The following EYS variants were observed in gnomAD, a reference collection of about 807,000 sequenced individuals.
EYS encodes the protein EGF-like photoreceptor maintenance factor.
EYS carries 250 observed loss-of-function variants against 282.1 expected under a neutral mutation model. The ratio of observed to expected loss-of-function variants is 0.89; its 90% CI spans 0.80 to 0.98. The LOEUF (loss-of-function observed/expected upper bound fraction) is 0.98. Among genes scored for constraint, EYS ranks in the 50% least tolerant of loss-of-function variants. The pLI is 0.00. For missense variants in EYS, 4,016 were observed against 3,709.0 expected, an observed-to-expected ratio of 1.08 and a Z score of -2.15; for synonymous variants, 1,355 against 1,282.9, an observed-to-expected ratio of 1.06 and a Z score of -1.20.
chr6:63,761,007 T>A (rs1018204379), intron 41 of EYS, among the ~76,000 whole-genome samples: 5 of 151,922 alleles, frequency 3.3e-5, no homozygotes, highest in Admixed American at 6.6e-5. Context: ...ACCATCATAA[T>A]CAGTTTTTAT....
At chr6:64,377,317 T>C (rs771614301) in intron 29 of EYS, among the ~76,000 whole-genome samples, 2 of 152,194 alleles carry the variant, frequency 1.3e-5, no homozygotes, top group Non-Finnish European at 2.9e-5. Context: ...TAAATGCTTT[T>C]AAAACTTTGT....
In EYS at chr6:65,494,700, C is replaced by T. The variant is rs375370385; in HGVS notation, c.711G>A (p.Glu237=). ...GGTGACAGACACATTCATATGCTTG[C>T]TCATCCCAATTTTCTCTTTTATTAA... is the stretch of plus-strand genomic sequence containing the variant. ...SCINKRENWD[E]QAYECVCHPP... is the part of the protein sequence containing the mutation. The change falls in exon 4 of 43, where the codon GAG becomes GAA. Residue 237 remains glutamate (E), a synonymous_variant. Coordinates refer to ENST00000503581, the MANE Select transcript of EYS (RefSeq NM_001142800.2). The T allele has an allele frequency of 8.2e-6, 13 of 1,593,072 alleles. No homozygotes were observed. In the African/African-American group the frequency reaches 1.8e-4, roughly 21 times the overall value.
intron 31 of EYS, among the ~76,000 whole-genome samples, chr6:64,202,006 C>A (rs1321719013): frequency 6.6e-6 from 1 of 152,164 alleles, no homozygotes; most frequent in Admixed American, 6.5e-5. Flanking sequence ...AACATGTCAA[C>A]AGTGCCAAGC....
At chr6:65,222,749 G>A (rs1205103348) in intron 12 of EYS, among the ~76,000 whole-genome samples, 1 of 152,206 alleles carries the variant, frequency 6.6e-6, no homozygotes, top group East Asian at 1.9e-4. Flanking sequence ...AATCAACAAT[G>A]ATTGAGTTAC....
In EYS at chr6:63,721,053, C is replaced by A. The variant is rs865905817; in HGVS notation, c.8978G>T (p.Gly2993Val). 3 of 1,551,284 alleles carry A rather than the reference C, an allele frequency of 1.9e-6. No individual in the cohort carries two copies. Among genetic ancestry groups the A allele is most frequent in the Non-Finnish European group, 2.6e-6 (3 of 1,146,792 alleles). Residue 2993 changes from glycine to valine, a missense_variant, in exon 43 of 43, where the codon GGT (glycine) becomes GTT (valine). Physicochemically the swap from Gly to Val is moderately radical, Grantham distance 109 (BLOSUM62 -3). Transcript: ENST00000503581. ...SLNFSTTKTEGLIVWMGIAQN... is the reference protein window; with the variant it reads ...SLNFSTTKTEVLIVWMGIAQN... ...AGCTATTCCCATCCATACAATTAGA[C>A]CTTCTGTTTTAGTGGTACTGAAATT...
At chr6:64,914,922 C>A (rs7772016) in intron 15 of EYS, among the ~76,000 whole-genome samples, 1 of 152,012 alleles carries the variant, frequency 6.6e-6, no homozygotes, top group Non-Finnish European at 1.5e-5. Context: ...TTCATACCTT[C>A]ACAATATAAA....
chr6:65,668,739 T>C (rs997655951), intron 1 of EYS, among the ~76,000 whole-genome samples: 4 of 151,952 alleles, frequency 2.6e-5, no homozygotes, highest in African/African-American at 9.7e-5. Flanking sequence ...CCTTTAAACA[T>C]TGAAGACATT....
At chr6:63,850,281 A>T (rs1772211563) in intron 36 of EYS, among the ~76,000 whole-genome samples, 1 of 152,230 alleles carries the variant, frequency 6.6e-6, no homozygotes, top group Non-Finnish European at 1.5e-5. Flanking sequence ...GAACTTCCCC[A>T]ATCTAGCAAG....
Position 64,930,079 on chromosome 6 carries a change from T to C in EYS, c.2381+15714A>G, listed in dbSNP as rs547131950. Among the ~76,000 whole-genome samples, 17 of 152,296 alleles carry C rather than the reference T, an allele frequency of 1.1e-4. 1 individual carries two copies. In the South Asian group the frequency reaches 2.5e-3, roughly 22 times the overall value. On this transcript the variant is annotated intron_variant, in intron 15 of 42. Coordinates refer to ENST00000503581, the MANE Select transcript of EYS (RefSeq NM_001142800.2). ...GAATTTACTGAATCTGTCCAAAAGA[T>C]AATTTGATAAAAACTACTCGAATAT...
intron 28 of EYS, among the ~76,000 whole-genome samples, chr6:64,410,854 A>G (rs1582718626): frequency 6.6e-6 from 1 of 152,170 alleles, no homozygotes; most frequent in African/African-American, 2.4e-5. Context: ...GCACTGTTAA[A>G]GGACACTTTC....
chr6:64,228,476 A>C (rs946313144), intron 31 of EYS, among the ~76,000 whole-genome samples: 1 of 152,092 alleles, frequency 6.6e-6, no homozygotes, highest in Non-Finnish European at 1.5e-5. Context: ...TATTCTTCAA[A>C]TGCAATTTTG....
At chr6:64,776,349 A>G (rs1282332847) in intron 22 of EYS, among the ~76,000 whole-genome samples, 1 of 152,098 alleles carries the variant, frequency 6.6e-6, no homozygotes, top group Non-Finnish European at 1.5e-5. Context: ...TACATCATAA[A>G]AGATATACTG....
intron 22 of EYS, among the ~76,000 whole-genome samples, chr6:64,791,575 A>G (rs899329648): frequency 9.2e-5 from 14 of 151,956 alleles, no homozygotes; most frequent in Non-Finnish European, 1.9e-4. Context: ...GGAATGTGTA[A>G]CCAAAGAGAA....
At chr6:65,678,255 A>C (rs992403184) in intron 1 of EYS, among the ~76,000 whole-genome samples, 3 of 151,994 alleles carry the variant, frequency 2.0e-5, no homozygotes, top group African/African-American at 7.2e-5. Flanking sequence ...CCCATGAGCC[A>C]AACATTCCCC....
At chr6:63,937,137 T>C (rs1478141688) in intron 35 of EYS, among the ~76,000 whole-genome samples, 1 of 151,960 alleles carries the variant, frequency 6.6e-6, no homozygotes, top group Non-Finnish European at 1.5e-5. Flanking sequence ...CCCTAAATAC[T>C]AGACAATTGT....
Position 63,942,122 on chromosome 6 carries a change from G to T in EYS, c.7055+42261C>A, listed in dbSNP as rs148385360. ...TCAGGGGGTTATAAGGATCTTTAAGGCTGATTACACACAGCACTCTATAGA... is the reference window on the plus strand; with the variant it reads ...TCAGGGGGTTATAAGGATCTTTAAGTCTGATTACACACAGCACTCTATAGA... On this transcript the variant is annotated intron_variant, in intron 35 of 42. Coordinates refer to ENST00000503581, the MANE Select transcript of EYS (RefSeq NM_001142800.2). Among the ~76,000 whole-genome samples, 32 of 152,236 alleles carry T rather than the reference G, an allele frequency of 2.1e-4. 1 individual carries two copies. Among genetic ancestry groups the T allele is most frequent in the Admixed American group, 5.9e-4 (9 of 15,284 alleles).
At chr6:65,532,056 GTTA>G (rs1767791029) in intron 2 of EYS, among the ~76,000 whole-genome samples, 2 of 151,918 alleles carry the variant, frequency 1.3e-5, no homozygotes, top group Admixed American at 6.6e-5. Flanking sequence ...AATTATTGTT[GTTA>G]TTATTTCTAT....
chr6:65,095,976 C>T (rs1171608226), intron 12 of EYS, among the ~76,000 whole-genome samples: 1 of 150,840 alleles, frequency 6.6e-6, no homozygotes, highest in African/African-American at 2.4e-5. Flanking sequence ...AAAATAAATG[C>T]CATCCAAATC....
intron 26 of EYS, among the ~76,000 whole-genome samples, chr6:64,441,978 G>T (rs1273574442): frequency 2.6e-5 from 4 of 152,174 alleles, no homozygotes; most frequent in African/African-American, 9.7e-5. Context: ...ACCTGAAAAT[G>T]TGGAATTGAC....
Sources: allele counts gnomAD v4.1 joint callset (sites outside exome capture counted in the v4.1 genomes callset), GRCh38; gene constraint gnomAD v4.1.1; transcripts MANE v1.5; gene names NCBI Gene and HGNC (gene_info 2026-07-23, HGNC 2026-07-21).